TMEM259: variants seen among roughly 807,000 people sequenced by gnomAD.
The protein encoded by TMEM259 is membralin.
TMEM259 carries 26 observed loss-of-function variants against 46.7 expected under a neutral mutation model. The observed-to-expected ratio is 0.56, with a 90% confidence interval of 0.41 to 0.77. The LOEUF (loss-of-function observed/expected upper bound fraction) is 0.77, where lower values mean the gene tolerates loss of function less well. Among genes scored for constraint, TMEM259 ranks in the 30% least tolerant of loss-of-function variants. The probability of loss-of-function intolerance (pLI) is 0.00; values close to 1 mark genes in which losing one functional copy is unlikely to be tolerated. For missense variants in TMEM259, 930 were observed against 900.5 expected (o/e 1.03, Z -0.42); for synonymous variants, 494 against 395.1 (o/e 1.25, Z -2.97).
At position 1,012,149 on chromosome 19, in the gene TMEM259, C is replaced by A. The variant is rs372779173; in HGVS notation, c.758G>T (p.Arg253Leu). ...RDQCFGDRFS[R>L]LLLDEFLGYD... ...GCCCAGGAACTCATCCAGCAGCAGG[C>A]GGCTGAAGCGGTCCCCGAAGCACTG... Residue 253 changes from arginine to leucine, a missense_variant, in exon 5 of 11, where the codon CGC (arginine) becomes CTC (leucine). Physicochemically the swap from Arg to Leu is moderately radical, Grantham distance 102. Transcript: ENST00000356663. 2 of 1,607,754 alleles carry A rather than the reference C, an allele frequency of 1.2e-6. No individual in the cohort carries two copies. Among genetic ancestry groups the A allele is most frequent in the Non-Finnish European group, 8.5e-7 (1 of 1,177,658 alleles).
At chr19:1,012,214 G>A (rs751940225) in intron 4 of TMEM259, 26 bp from the exon 5 acceptor site, 222 of 1,581,714 alleles carry the variant, frequency 1.4e-4, no homozygotes, top group Non-Finnish European at 1.8e-4. Flanking sequence ...TCAGGGAGCC[G>A]GGAGCCCCGC....
At position 1,021,110 on chromosome 19, in the gene TMEM259, T is replaced by C; in HGVS notation, c.-114A>G. On this transcript the variant is annotated 5_prime_UTR_variant, in exon 1 of 11. The change abolishes an upstream ATG in the 5' untranslated region. Transcript: ENST00000356663. The stretch of plus-strand genomic sequence containing the variant: ...CACGGCCTCCCGGCCGCCGCCGCCA[T>C]CTTCCGCTTTCTCGTCCGGCTGCGG... The C allele has an allele frequency of 8.8e-7, 1 of 1,134,424 alleles. No individual in the cohort carries two copies. The highest frequency in any genetic ancestry group is 1.1e-6 in the Non-Finnish European group (1 of 901,184). The allele number at this position is 1,134,424 out of a possible 1,614,324, so 70.3% of individuals were successfully genotyped here.
Position 1,010,872 on chromosome 19 carries a change from G to A in TMEM259, c.1341C>T (p.His447=), listed in dbSNP as rs374773292. 1.6e-5 allele frequency: 25 copies of A among 1,593,468 alleles called. No individual in the cohort carries two copies. Among genetic ancestry groups the A allele is most frequent in the Non-Finnish European group, 1.9e-5 (22 of 1,177,444 alleles). Residue 447 remains histidine (H), a synonymous_variant, in exon 11 of 11, where the codon CAC becomes CAT. Coordinates refer to ENST00000356663, the MANE Select transcript of TMEM259 (RefSeq NM_001033026.2). ...FIQHSMIYFF[H]HYELPAILQQ... ...GCAGGATGGCAGGCAGCTCGTAGTG[G>A]TGGAAGAAGTAGATCATGGAATGCT...
chr19:1,011,953 A>G lies in TMEM259; in HGVS notation c.881T>C (p.Phe294Ser), dbSNP rs1412418625. 2 of 1,612,172 alleles carry G rather than the reference A, an allele frequency of 1.2e-6. No individual in the cohort carries two copies. Among genetic ancestry groups the G allele is most frequent in the Admixed American group, 1.7e-5 (1 of 59,972 alleles). ...CGTCCGCGCCATCCACATGCTCACAAAGCGGTAGTGCTCGCCCGACACCAC... is the reference window on the plus strand; with the variant it reads ...CGTCCGCGCCATCCACATGCTCACAGAGCGGTAGTGCTCGCCCGACACCAC... ...RNVVSGEHYR[F>S]VSMWMARTSY... Residue 294 changes from phenylalanine to serine, a missense_variant, in exon 6 of 11, where the codon TTT becomes TCT. Phe to Ser is a radical substitution (Grantham distance 155). Transcript: ENST00000356663.
At position 1,011,913 on chromosome 19, in the gene TMEM259, G is replaced by T; in HGVS notation, c.921C>A (p.Ala307=). ...TCACGAAGATGACCATGATGGCGAA[G>T]GCGGCCAGGTAGGACGTCCGCGCCA... is the stretch of plus-strand genomic sequence containing the variant. The part of the protein sequence containing the change: ...MWMARTSYLA[A]FAIMVIFTLS... Residue 307 remains alanine, a synonymous_variant, in exon 6 of 11, where the codon GCC becomes GCA. Transcript: ENST00000356663. The T allele has an allele frequency of 6.2e-7, 1 of 1,610,288 alleles. No individual in the cohort carries two copies. Among genetic ancestry groups the T allele is most frequent in the Non-Finnish European group, 8.5e-7 (1 of 1,178,288 alleles).
chr19:1,011,435 G>T lies in TMEM259; in HGVS notation c.1149C>A (p.Ile383=), dbSNP rs149331960. Residue 383 remains isoleucine, a synonymous_variant, in exon 9 of 11, where the codon ATC becomes ATA. Transcript: ENST00000356663. ...DTTTAFYIIL[I]VWLADQYDAI... ...CGTCATACTGGTCCGCGAGCCACAC[G>T]ATGAGGATGATGTAGAAGGCGGTGG... The T allele has an allele frequency of 1.0e-3, 1,608 of 1,568,932 alleles. 8 individuals are homozygous for T. The Middle Eastern group carries it at 0.011, about 11-fold the overall frequency.
chr19:1,013,575 G>A (rs1050571378), intron 2 of TMEM259: 18 of 501,952 alleles, frequency 3.6e-5, no homozygotes, highest in Non-Finnish European at 6.5e-5. Context: ...TGAAGCTGAG[G>A]CAAGGGCCAG....
At chr19:1,018,531 G>A (rs1320973343) in intron 1 of TMEM259, among the ~76,000 whole-genome samples, 2 of 152,212 alleles carry the variant, frequency 1.3e-5, no homozygotes, top group African/African-American at 2.4e-5. Flanking sequence ...GGAGACCCCC[G>A]GAAGCCAGGC....
chr19:1,018,181 CCA>C (rs1241029689), intron 1 of TMEM259, among the ~76,000 whole-genome samples: 1 of 152,232 alleles, frequency 6.6e-6, no homozygotes, highest in African/African-American at 2.4e-5. Context: ...ACAGTCTCTG[CCA>C]CACTGGGCTC....
chr19:1,010,292 C>T lies in TMEM259; in HGVS notation c.*58G>A. Reference sequence around the variant, plus strand: ...AGGTGGCTGGCCTCCCCCACCCCCACGGGCTCGGGAAGGTCAGGCCCAGCC... The same window carrying T: ...AGGTGGCTGGCCTCCCCCACCCCCATGGGCTCGGGAAGGTCAGGCCCAGCC... On this transcript the variant is annotated 3_prime_UTR_variant, in exon 11 of 11. Transcript: ENST00000356663. 7.3e-7 allele frequency: 1 copy of T among 1,377,534 alleles called. No individual in the cohort carries two copies. Among genetic ancestry groups the T allele is most frequent in the South Asian group, 1.6e-5 (1 of 62,674 alleles). The allele number at this position is 1,377,534 out of a possible 1,614,324, so 85.3% of individuals were successfully genotyped here. A position where few individuals can be genotyped will look rare whatever the true frequency, so the allele number is the denominator to read the frequency against.
At chr19:1,011,845 C>T in intron 6 of TMEM259, 47 bp from the exon 7 acceptor site, 1 of 1,591,700 alleles carries the variant, frequency 6.3e-7, no homozygotes, top group Non-Finnish European at 8.6e-7. Flanking sequence ...CGAGGGCCTG[C>T]TTGGCTCCCG....
At chr19:1,018,019 G>A (rs1429067987) in intron 1 of TMEM259, among the ~76,000 whole-genome samples, 1 of 152,082 alleles carries the variant, frequency 6.6e-6, no homozygotes. Flanking sequence ...CCCACAAGAG[G>A]AGCCCCATTA....
chr19:1,011,059 C>T (rs370060644), intron 10 of TMEM259, 37 bp downstream of exon 10: 31 of 1,560,990 alleles, frequency 2.0e-5, no homozygotes, highest in South Asian at 1.5e-4. Context: ...TGGAAAGGCA[C>T]GGCTGGCCTG....
rs952498278 is a variant in TMEM259 at position 1,009,981 on chromosome 19, G to A, written c.*369C>T. The A allele has an allele frequency of 9.2e-6, 3 of 325,428 alleles. No individual in the cohort carries two copies. Among genetic ancestry groups the A allele is most frequent in the Non-Finnish European group, 1.7e-5 (3 of 178,498 alleles). The allele number at this position is 325,428 out of a possible 1,614,324, so 20.2% of individuals were successfully genotyped here. A position where few individuals can be genotyped will look rare whatever the true frequency, so the allele number is the denominator to read the frequency against. ...GAGGCCGGCCGGCACTAGGGCGCGAGGCCCCACCCCAAGCCGGCCTCTCCT... is the reference window on the plus strand; with the variant it reads ...GAGGCCGGCCGGCACTAGGGCGCGAAGCCCCACCCCAAGCCGGCCTCTCCT... On this transcript the variant is annotated 3_prime_UTR_variant, in exon 11 of 11. Coordinates refer to ENST00000356663, the MANE Select transcript of TMEM259 (RefSeq NM_001033026.2).
chr19:1,018,344 G>A (rs924571029), intron 1 of TMEM259, among the ~76,000 whole-genome samples: 5 of 152,170 alleles, frequency 3.3e-5, no homozygotes, highest in African/African-American at 1.2e-4. Context: ...ATGAGGGACC[G>A]GGGGGCTCCA....
chr19:1,011,485 T>C lies in TMEM259; in HGVS notation c.1099A>G (p.Met367Val), dbSNP rs1438134027. 3 of 1,546,238 alleles carry C rather than the reference T, an allele frequency of 1.9e-6. No homozygotes were observed. Among genetic ancestry groups the C allele is most frequent in the South Asian group, 1.2e-5 (1 of 84,118 alleles). ...ILALVGMEAIMSEFFNDTTTA... is the reference protein window; with the variant it reads ...ILALVGMEAIVSEFFNDTTTA... ...GTGGTGTCGTTGAAGAACTCCGACATGATGGCCTCCATCCCTGCAGGGAGA... is the reference window on the plus strand; with the variant it reads ...GTGGTGTCGTTGAAGAACTCCGACACGATGGCCTCCATCCCTGCAGGGAGA... The change falls in exon 9 of 11, where the codon ATG becomes GTG. Residue 367 changes from methionine (M) to valine (V), a missense_variant. Coordinates refer to ENST00000356663, the MANE Select transcript of TMEM259 (RefSeq NM_001033026.2).
Position 1,014,293 on chromosome 19 carries a change from T to C in TMEM259, c.406A>G (p.Ser136Gly), listed in dbSNP as rs2039035057. The C allele has an allele frequency of 6.2e-7, 1 of 1,612,696 alleles. No homozygotes were observed. The highest frequency in any genetic ancestry group is 1.1e-5 in the South Asian group (1 of 91,084). Residue 136 changes from serine (S) to glycine (G), a missense_variant, in exon 2 of 11, where the codon AGC (serine) becomes GGC (glycine). Coordinates refer to ENST00000356663, the MANE Select transcript of TMEM259 (RefSeq NM_001033026.2). ...GGTTCCACGGCCAGGCCCGGGAAGC[T>C]CCCGCGGCCGCCGCTGTCACAGAAC... ...LQFCDSGGRG[S>G]FPGLAVEPGS...
intron 4 of TMEM259, 61 bp downstream of exon 4, chr19:1,012,402 A>G (rs1422445155): frequency 6.5e-7 from 1 of 1,530,200 alleles, no homozygotes. Context: ...GCAGGAGGAG[A>G]CCCGAGGGAG....
chr19:1,020,974 G>A lies in TMEM259; in HGVS notation c.23C>T (p.Ala8Val). The A allele has an allele frequency of 2.3e-6, 3 of 1,297,488 alleles. No individual in the cohort carries two copies. The highest frequency in any genetic ancestry group is 3.3e-5 in the East Asian group (1 of 30,606). The allele number at this position is 1,297,488 out of a possible 1,614,324, so 80.4% of individuals were successfully genotyped here. A position where few individuals can be genotyped will look rare whatever the true frequency, so the allele number is the denominator to read the frequency against. MSEHVEPAAPGPGPNGGG... is the reference protein window; with the variant it reads MSEHVEPVAPGPGPNGGG... The stretch of plus-strand genomic sequence containing the variant: ...GCCGTTGGGCCCGGGCCCCGGAGCT[G>A]CGGGCTCCACGTGCTCCGACATGCC... Residue 8 changes from alanine to valine, a missense_variant, in exon 1 of 11, where the codon GCA becomes GTA. Coordinates refer to ENST00000356663, the MANE Select transcript of TMEM259 (RefSeq NM_001033026.2). This position sits in a 1 kb window ranked among gnomAD's most constrained non-coding sequence, Gnocchi z 4.0.
Sources: allele counts gnomAD v4.1 joint callset (sites outside exome capture counted in the v4.1 genomes callset), GRCh38; gene constraint gnomAD v4.1.1; non-coding constraint Gnocchi (gnomAD v3.1); transcripts MANE v1.5; gene names NCBI Gene and HGNC (gene_info 2026-07-23, HGNC 2026-07-21).